Variants in GRM1 observed in about 807,000 individuals in gnomAD.
The protein encoded by GRM1 is metabotropic glutamate receptor 1.
In GRM1, 33 loss-of-function variants were observed where a neutral mutation model predicts 90.9. The ratio of observed to expected loss-of-function variants is 0.36; its 90% CI spans 0.28 to 0.49. GRM1 has a LOEUF of 0.49. GRM1 is among the 20% of genes least tolerant of loss of function. The probability of loss-of-function intolerance (pLI) is 0.99; values close to 1 mark genes in which losing one functional copy is unlikely to be tolerated. For synonymous variants in GRM1, 700 were observed against 613.2 expected (o/e 1.14, Z -2.09); for missense variants, 1,190 against 1,534.3 (o/e 0.78, Z 3.75).
intron 7 of GRM1, among the ~76,000 whole-genome samples, chr6:146,424,179 T>A (rs1778111917): frequency 1.3e-5 from 2 of 152,198 alleles, no homozygotes; most frequent in South Asian, 2.1e-4. Context: ...ACCTAAGGTA[T>A]CTGGATAAAG....
chr6:146,054,166 T>C (rs1775400910), intron 1 of GRM1, among the ~76,000 whole-genome samples: 1 of 152,132 alleles, frequency 6.6e-6, no homozygotes. Flanking sequence ...CTGTCAGCAA[T>C]GTGTCTTATA....
At chr6:146,307,734 C>A (rs1425610682) in intron 3 of GRM1, among the ~76,000 whole-genome samples, 1 of 152,124 alleles carries the variant, frequency 6.6e-6, no homozygotes, top group Non-Finnish European at 1.5e-5. Flanking sequence ...TGGGTCACTT[C>A]TAGTGGTTTG....
chr6:146,378,291 T>G (rs1776187685), intron 5 of GRM1, among the ~76,000 whole-genome samples: 1 of 152,148 alleles, frequency 6.6e-6, no homozygotes, highest in Non-Finnish European at 1.5e-5. Flanking sequence ...GACCCCAGAA[T>G]GATAGATCTA....
At chr6:146,221,133 T>C (rs1303823191) in intron 2 of GRM1, among the ~76,000 whole-genome samples, 1 of 152,126 alleles carries the variant, frequency 6.6e-6, no homozygotes. Context: ...CCAAAGCCAC[T>C]CAACATCCAG....
At chr6:146,180,351 A>G (rs896248940) in intron 2 of GRM1, among the ~76,000 whole-genome samples, 19 of 152,162 alleles carry the variant, frequency 1.2e-4, no homozygotes, top group African/African-American at 4.6e-4. Context: ...TTTCACTGAC[A>G]ATATGAAGTA....
intron 1 of GRM1, among the ~76,000 whole-genome samples, chr6:146,074,038 T>A (rs756702422): frequency 2.0e-5 from 3 of 152,142 alleles, no homozygotes; most frequent in African/African-American, 7.2e-5. Flanking sequence ...ATGTGAATGT[T>A]TTATCAGTAC....
At chr6:146,280,675 G>A (rs966173445) in intron 2 of GRM1, among the ~76,000 whole-genome samples, 1 of 152,120 alleles carries the variant, frequency 6.6e-6, no homozygotes, top group Non-Finnish European at 1.5e-5. Context: ...CAGGAGTGCA[G>A]TGGCATGATC....
intron 7 of GRM1, among the ~76,000 whole-genome samples, chr6:146,411,990 G>T (rs1777587075): frequency 6.6e-6 from 1 of 152,100 alleles, no homozygotes; most frequent in Non-Finnish European, 1.5e-5. Flanking sequence ...TGACCAATGG[G>T]TTCATTACAA....
At chr6:146,210,246 T>A (rs1030493415) in intron 2 of GRM1, among the ~76,000 whole-genome samples, 6 of 152,114 alleles carry the variant, frequency 3.9e-5, no homozygotes, top group Admixed American at 3.9e-4. Context: ...TTGTCCAAAA[T>A]TTTCAGCTCC....
chr6:146,277,132 C>A (rs1451975491), intron 2 of GRM1, among the ~76,000 whole-genome samples: 4 of 152,048 alleles, frequency 2.6e-5, no homozygotes, highest in Non-Finnish European at 5.9e-5. Flanking sequence ...CAATACAATA[C>A]AATAAAATAC....
chr6:146,435,675 T>C lies in GRM1; in HGVS notation c.*879T>C, dbSNP rs1431249192. 2 of 152,704 alleles carry C rather than the reference T, an allele frequency of 1.3e-5. No individual in the cohort carries two copies. The highest frequency in any genetic ancestry group is 2.4e-5 in the African/African-American group (1 of 41,550). 9.5% of individuals were successfully genotyped at this position (152,704 alleles called of 1,614,324 possible). On this transcript the variant is annotated 3_prime_UTR_variant, in exon 8 of 8. Transcript: ENST00000282753. ...GTTCCATATTCACTTATTGGCGATTTGGGGAAAAGGCCGGAACAAGAGATT... is the reference window on the plus strand; with the variant it reads ...GTTCCATATTCACTTATTGGCGATTCGGGGAAAAGGCCGGAACAAGAGATT...
At chr6:146,182,246 G>T (rs1018830928) in intron 2 of GRM1, among the ~76,000 whole-genome samples, 2 of 152,092 alleles carry the variant, frequency 1.3e-5, no homozygotes, top group African/African-American at 4.8e-5. Context: ...TTAATAAGAA[G>T]GAAAGACAAG....
intron 1 of GRM1, among the ~76,000 whole-genome samples, chr6:146,033,724 A>G (rs1790785265): frequency 6.6e-6 from 1 of 151,934 alleles, no homozygotes; most frequent in South Asian, 2.1e-4. Flanking sequence ...CTTACATTTT[A>G]TATAAAATTG....
chr6:146,057,464 A>G (rs1470830615), intron 1 of GRM1, among the ~76,000 whole-genome samples: 1 of 152,146 alleles, frequency 6.6e-6, no homozygotes, highest in African/African-American at 2.4e-5. Flanking sequence ...TTTTATAAAG[A>G]TGCTACATTA....
intron 2 of GRM1, among the ~76,000 whole-genome samples, chr6:146,293,630 C>T (rs1323918082): frequency 6.6e-6 from 1 of 151,626 alleles, no homozygotes; most frequent in Admixed American, 6.6e-5. Flanking sequence ...TTATAATATC[C>T]TCAGTTGGAG....
chr6:146,194,417 T>C (rs916382798), intron 2 of GRM1, among the ~76,000 whole-genome samples: 2 of 152,248 alleles, frequency 1.3e-5, no homozygotes, highest in Admixed American at 1.3e-4. Context: ...CACTGTAATG[T>C]TATATTTCCT....
At chr6:146,159,966 A>T (rs377260323) in intron 2 of GRM1, 2 of 176,914 alleles carry the variant, frequency 1.1e-5, no homozygotes, top group Non-Finnish European at 2.4e-5. Context: ...GCAGAGCAGC[A>T]TATAACAAGA....
chr6:146,297,074 C>T (rs1783202286), intron 2 of GRM1, among the ~76,000 whole-genome samples: 1 of 152,010 alleles, frequency 6.6e-6, no homozygotes, highest in Non-Finnish European at 1.5e-5. Context: ...CTTTTTGTTT[C>T]TTGATTATAT....
chr6:146,330,330 C>T (rs964684280), intron 3 of GRM1, among the ~76,000 whole-genome samples: 12 of 152,076 alleles, frequency 7.9e-5, no homozygotes, highest in South Asian at 4.1e-4. Flanking sequence ...GAAAAGTTTC[C>T]GGAGAGAATT....
Sources: gnomAD v4.1 joint callset for allele counts (sites outside exome capture counted in the v4.1 genomes callset) on GRCh38, gnomAD v4.1.1 for gene constraint, MANE v1.5 for transcripts, NCBI Gene and HGNC (gene_info 2026-07-23, HGNC 2026-07-21) for gene names.